MSRA: variants seen among roughly 807,000 people sequenced by gnomAD.
MSRA encodes the protein methionine sulfoxide reductase A.
Under a neutral mutation model 31.3 loss-of-function variants are expected in MSRA, and 54 were observed. The observed-to-expected ratio is 1.73, with a 90% confidence interval of 1.39 to 2.17. The LOEUF is 2.17. Ranked by LOEUF, MSRA falls within the 30% of genes most tolerant of loss-of-function variation. The pLI, the probability that MSRA is intolerant of heterozygous loss-of-function variation, is 0.00. For synonymous variants in MSRA, 169 were observed against 116.5 expected (o/e 1.45, Z -2.90); for missense variants, 507 against 300.9 (o/e 1.69, Z -5.07).
chr8:10,358,803 G>A (rs61656398), intron 5 of MSRA, among the ~76,000 whole-genome samples: 27,418 of 149,908 alleles, frequency 0.18, 3,192 homozygotes, highest in African/African-American at 0.31. Context: ...CGTTTTAGCC[G>A]GGATGGTCTC....
At chr8:10,427,997 C>A in intron 5 of MSRA, 151 bp from the exon 6 acceptor site, 1 of 728,344 alleles carries the variant, frequency 1.4e-6, no homozygotes, top group South Asian at 2.1e-5. Flanking sequence ...CGTCACTCCA[C>A]TTGGAATGCG....
At chr8:10,120,610 A>G (rs1801038106) in intron 1 of MSRA, among the ~76,000 whole-genome samples, 1 of 152,252 alleles carries the variant, frequency 6.6e-6, no homozygotes, top group Non-Finnish European at 1.5e-5. Flanking sequence ...ATTTCTTGGA[A>G]CTATGCTGGA....
intron 5 of MSRA, among the ~76,000 whole-genome samples, chr8:10,370,303 A>G (rs1406903493): frequency 6.6e-6 from 1 of 152,194 alleles, no homozygotes; most frequent in Non-Finnish European, 1.5e-5. Context: ...TCTTTATTCC[A>G]TGCTTCTCCC....
chr8:10,114,149 C>A (rs12115063), intron 1 of MSRA, among the ~76,000 whole-genome samples: 35,018 of 152,128 alleles, frequency 0.23, 4,371 homozygotes, highest in East Asian at 0.39. Flanking sequence ...GTATTCCATT[C>A]CTTTTATGGC....
chr8:10,310,251 T>A (rs1256558391), intron 4 of MSRA, among the ~76,000 whole-genome samples: 1 of 152,178 alleles, frequency 6.6e-6, no homozygotes, highest in Non-Finnish European at 1.5e-5. Flanking sequence ...ACATATAAAA[T>A]GCAAAAGCTA....
At chr8:10,155,522 A>G (rs562760117) in intron 1 of MSRA, among the ~76,000 whole-genome samples, 146 of 152,310 alleles carry the variant, frequency 9.6e-4, no homozygotes, top group Admixed American at 2.0e-3. Flanking sequence ...CATCCCAGCC[A>G]TTATGAGCAT....
chr8:10,066,683 G>A (rs990587128), intron 1 of MSRA, among the ~76,000 whole-genome samples: 1 of 151,978 alleles, frequency 6.6e-6, no homozygotes, highest in African/African-American at 2.4e-5. Context: ...ACAGGCATCC[G>A]TCACCAGACC....
At chr8:10,423,477 C>G (rs1024945213) in intron 5 of MSRA, among the ~76,000 whole-genome samples, 1 of 139,576 alleles carries the variant, frequency 7.2e-6, no homozygotes, top group African/African-American at 2.6e-5. Flanking sequence ...AGCTTGGCCC[C>G]GGTGCCAGGT....
At chr8:10,125,161 G>A (rs1274550372) in intron 1 of MSRA, among the ~76,000 whole-genome samples, 1 of 152,168 alleles carries the variant, frequency 6.6e-6, no homozygotes, top group South Asian at 2.1e-4. Flanking sequence ...CATTGTAATG[G>A]GTGTGACGGC....
chr8:10,423,587 C>G (rs559135750), intron 5 of MSRA, among the ~76,000 whole-genome samples: 5 of 152,162 alleles, frequency 3.3e-5, no homozygotes, highest in Admixed American at 2.6e-4. Context: ...TCCCCCTGCT[C>G]CTGCACCACC....
At chr8:10,152,204 ACTGT>A (rs1368955272) in intron 1 of MSRA, among the ~76,000 whole-genome samples, 4 of 152,172 alleles carry the variant, frequency 2.6e-5, no homozygotes, top group African/African-American at 2.4e-5. Context: ...AGAGAACAAA[ACTGT>A]CTGTGTGCAA....
intron 2 of MSRA, among the ~76,000 whole-genome samples, chr8:10,222,873 C>T (rs1810651602): frequency 6.6e-6 from 1 of 152,042 alleles, no homozygotes; most frequent in Admixed American, 6.6e-5. Context: ...TCAATTGGAC[C>T]TGAAGAATAA....
intron 5 of MSRA, among the ~76,000 whole-genome samples, chr8:10,333,236 C>G (rs1802811452): frequency 2.0e-5 from 3 of 152,210 alleles, no homozygotes; most frequent in African/African-American, 7.2e-5. Flanking sequence ...TGTTTAGTGG[C>G]TCCCATATGT....
chr8:10,347,236 C>T (rs763936471), intron 5 of MSRA, among the ~76,000 whole-genome samples: 29 of 152,182 alleles, frequency 1.9e-4, no homozygotes, highest in African/African-American at 7.0e-4. Context: ...ATAGTAAATA[C>T]CGATTAAACA....
chr8:10,109,564 A>T (rs1800132000), intron 1 of MSRA, among the ~76,000 whole-genome samples: 2 of 152,120 alleles, frequency 1.3e-5, no homozygotes, highest in African/African-American at 2.4e-5. Flanking sequence ...CTGGTCTCGA[A>T]TTCCTGAACT....
intron 3 of MSRA, chr8:10,250,325 T>C (rs1797849593): frequency 3.0e-6 from 2 of 659,058 alleles, no homozygotes; most frequent in Non-Finnish European, 5.5e-6. Flanking sequence ...TCTGGGTTAA[T>C]TTCAGTGCAT....
chr8:10,304,550 A>C (rs1801021344), intron 4 of MSRA, among the ~76,000 whole-genome samples: 1 of 152,250 alleles, frequency 6.6e-6, no homozygotes, highest in Non-Finnish European at 1.5e-5. Flanking sequence ...AAACAGTGAC[A>C]CATGTCAAGT....
intron 3 of MSRA, chr8:10,250,492 C>T (rs1055370687): frequency 1.4e-6 from 1 of 701,894 alleles, no homozygotes; most frequent in African/African-American, 1.7e-5. Context: ...CCAAGTGGCA[C>T]TGAATCCAGA....
chr8:10,147,185 T>G (rs539439835), intron 1 of MSRA, among the ~76,000 whole-genome samples: 1 of 152,048 alleles, frequency 6.6e-6, no homozygotes, highest in African/African-American at 2.4e-5. Flanking sequence ...GTCCTCAGGT[T>G]TGAGCCAGAG....
Sources: allele counts gnomAD v4.1 joint callset (sites outside exome capture counted in the v4.1 genomes callset), GRCh38; gene constraint gnomAD v4.1.1; transcripts MANE v1.5; gene names NCBI Gene and HGNC (gene_info 2026-07-23, HGNC 2026-07-21).